Variants in SLC16A14 observed in about 807,000 individuals in gnomAD.
SLC16A14 encodes the protein monocarboxylate transporter 14.
SLC16A14 carries 14 observed loss-of-function variants against 35.8 expected under a neutral mutation model. The ratio of observed to expected loss-of-function variants is 0.39; its 90% confidence interval spans 0.26 to 0.61. The LOEUF (loss-of-function observed/expected upper bound fraction) is 0.61. Ranked by LOEUF, SLC16A14 falls within the 20% of genes least tolerant of loss-of-function variation. The pLI, the probability that SLC16A14 is intolerant of heterozygous loss-of-function variation, is 0.51. For synonymous variants in SLC16A14, 248 were observed against 258.9 expected, an observed-to-expected ratio of 0.96 and a Z score of 0.40; for missense variants, 533 against 655.0, an observed-to-expected ratio of 0.81 and a Z score of 2.03.
intron 4 of SLC16A14, among the ~76,000 whole-genome samples, chr2:230,040,438 G>T (rs2077552127): frequency 6.6e-6 from 1 of 152,008 alleles, no homozygotes; most frequent in Non-Finnish European, 1.5e-5. Context: ...GGCAAGGCTG[G>T]TCTCAAACTC....
In SLC16A14 at chr2:230,035,731, A is replaced by G. The variant is rs1380769309; in HGVS notation, c.*1649T>C. On this transcript the variant is annotated 3_prime_UTR_variant, in exon 5 of 5. Transcript: ENST00000295190. ...TCATTGGAGGTAATATTAAGTATAT[A>G]TATTAACCATGCTTTTGTCTCTCCT... 6.6e-6 allele frequency: 1 copy of G among 152,204 alleles called. No individual in the cohort carries two copies. Among genetic ancestry groups the G allele is most frequent in the Non-Finnish European group, 1.5e-5 (1 of 68,032 alleles). 9.4% of individuals were successfully genotyped at this position (152,204 alleles called of 1,614,324 possible).
chr2:230,054,089 G>GT (rs1553820353), intron 2 of SLC16A14, among the ~76,000 whole-genome samples: 1 of 151,414 alleles, frequency 6.6e-6, no homozygotes, highest in Non-Finnish European at 1.5e-5. Flanking sequence ...CCTGAGGTGG[G>GT]GGGGGAAGTT....
intron 2 of SLC16A14, 35 bp from the exon 3 acceptor site, chr2:230,049,939 G>A (rs780181315): frequency 6.3e-7 from 1 of 1,599,916 alleles, no homozygotes; most frequent in African/African-American, 1.3e-5. Context: ...ATTGACTAAA[G>A]GTGCTTCCGT....
intron 2 of SLC16A14, among the ~76,000 whole-genome samples, chr2:230,050,984 C>G (rs1219289020): frequency 6.6e-6 from 1 of 152,194 alleles, no homozygotes; most frequent in Non-Finnish European, 1.5e-5. Context: ...GTTGTCATCA[C>G]TTCATACAGA....
At chr2:230,052,312 T>TA (rs1232394250) in intron 2 of SLC16A14, among the ~76,000 whole-genome samples, 1 of 152,206 alleles carries the variant, frequency 6.6e-6, no homozygotes. Context: ...AATGCACTGA[T>TA]AAAAAATCTG....
At chr2:230,054,416 A>G (rs988601962) in intron 2 of SLC16A14, among the ~76,000 whole-genome samples, 3 of 152,292 alleles carry the variant, frequency 2.0e-5, no homozygotes, top group African/African-American at 4.8e-5. Flanking sequence ...TAGCTACTCT[A>G]TGTTCACCTT....
chr2:230,037,300 CCT>C lies in SLC16A14; in HGVS notation c.*78_*79del, dbSNP rs1263389384. On this transcript the variant is annotated 3_prime_UTR_variant, in exon 5 of 5. Coordinates refer to ENST00000295190, the MANE Select transcript of SLC16A14 (RefSeq NM_152527.5). ...TACCGTACAAAATGCTTTCCCACGT[CCT>C]GTCATAGGTGCCTCACAGCAACCAT... 1.5e-6 allele frequency: 2 copies of C among 1,367,148 alleles called. No homozygotes were observed. The highest frequency in any genetic ancestry group is 2.0e-6 in the Non-Finnish European group (2 of 1,020,380). The allele number at this position is 1,367,148 out of a possible 1,614,324, so 84.7% of individuals were successfully genotyped here. A position where few individuals can be genotyped will look rare whatever the true frequency, so the allele number is the denominator to read the frequency against.
chr2:230,064,312 G>GTGTGTGTGTGTGTGTT (rs1553822132), intron 1 of SLC16A14, among the ~76,000 whole-genome samples: 17 of 144,390 alleles, frequency 1.2e-4, no homozygotes, highest in African/African-American at 4.1e-4. Context: ...GTGTGTGTGT[G>GTGTGTGTGTGTGTGTT]TATGTGTGTG....
intron 4 of SLC16A14, among the ~76,000 whole-genome samples, chr2:230,041,452 A>G (rs993476857): frequency 1.3e-5 from 2 of 152,124 alleles, no homozygotes; most frequent in South Asian, 2.1e-4. Flanking sequence ...GGTTCAAGCA[A>G]TTCTACTGCC....
Position 230,046,489 on chromosome 2 carries a change from A to T in SLC16A14, c.637T>A (p.Ser213Thr). The T allele has an allele frequency of 1.2e-6, 2 of 1,614,162 alleles. No homozygotes were observed. Among genetic ancestry groups the T allele is most frequent in the Non-Finnish European group, 1.7e-6 (2 of 1,180,020 alleles). Residue 213 changes from serine (S) to threonine (T), a missense_variant, in exon 4 of 5, where the codon TCT (serine) becomes ACT (threonine). By Grantham distance (58) the Ser-to-Thr change is moderately conservative. Coordinates refer to ENST00000295190, the MANE Select transcript of SLC16A14 (RefSeq NM_152527.5). This position sits in a 1 kb window ranked among gnomAD's most constrained non-coding sequence, Gnocchi z 5.0. ...CVCGALMRPL[S>T]PGKNPNDPGE... ...GGGTCGTTTGGGTTTTTACCAGGAG[A>T]GAGGGGCCTCATGAGCGCCCCACAA... is the stretch of plus-strand genomic sequence containing the variant.
At chr2:230,058,968 A>G in intron 2 of SLC16A14, 126 bp downstream of exon 2, 1 of 1,465,590 alleles carries the variant, frequency 6.8e-7, no homozygotes, top group South Asian at 1.5e-5. Flanking sequence ...ATATTTTATC[A>G]CAATTGAAAA....
At chr2:230,056,199 A>T (rs1300786360) in intron 2 of SLC16A14, among the ~76,000 whole-genome samples, 1 of 151,920 alleles carries the variant, frequency 6.6e-6, no homozygotes, top group African/African-American at 2.4e-5. Flanking sequence ...TTGAGAAATA[A>T]CACTTTGTCC....
intron 1 of SLC16A14, among the ~76,000 whole-genome samples, chr2:230,064,424 C>T (rs1431637964): frequency 5.9e-5 from 9 of 152,064 alleles, no homozygotes; most frequent in Non-Finnish European, 1.0e-4. Context: ...AAGCTTACAG[C>T]GCAGTGCAGA....
intron 2 of SLC16A14, among the ~76,000 whole-genome samples, chr2:230,052,284 G>T (rs889869499): frequency 6.6e-6 from 1 of 152,116 alleles, no homozygotes; most frequent in Non-Finnish European, 1.5e-5. Context: ...GCACATTATA[G>T]AAATAATATA....
intron 4 of SLC16A14, among the ~76,000 whole-genome samples, chr2:230,042,994 T>C (rs1421780519): frequency 6.6e-6 from 1 of 152,236 alleles, no homozygotes; most frequent in Non-Finnish European, 1.5e-5. Flanking sequence ...CTGAACTCTA[T>C]ATTTCTGGTT....
intron 1 of SLC16A14, among the ~76,000 whole-genome samples, chr2:230,064,500 C>T (rs1367371578): frequency 6.6e-6 from 1 of 152,156 alleles, no homozygotes. Context: ...TGGTGAGTGT[C>T]TTCCCTCTGC....
Position 230,063,933 on chromosome 2 carries a change from C to A in SLC16A14, c.-14-4567G>T, listed in dbSNP as rs547715992. 2.6e-5 allele frequency among the ~76,000 whole-genome samples: 4 copies of A among 151,900 alleles called. No homozygotes were observed. The South Asian group carries it at 8.3e-4, about 32-fold the overall frequency. On this transcript the variant is annotated intron_variant, in intron 1 of 4. Transcript: ENST00000295190. ...CTGGACAACAGTGAGACCTCATCTC[C>A]GTAAATAAAAATTAGCCAGGCACAT...
intron 4 of SLC16A14, among the ~76,000 whole-genome samples, chr2:230,044,831 G>A (rs1317638800): frequency 6.6e-6 from 1 of 150,946 alleles, no homozygotes; most frequent in Admixed American, 6.6e-5. Flanking sequence ...CTCCTGCCTC[G>A]GCCTCCCAAA....
intron 1 of SLC16A14, among the ~76,000 whole-genome samples, chr2:230,060,571 AAGCTGGTC>A (rs2077744181): frequency 6.6e-6 from 1 of 152,086 alleles, no homozygotes; most frequent in Non-Finnish European, 1.5e-5. Flanking sequence ...TATGTTGCCC[AAGCTGGTC>A]TTGAACTCCT....
Sources: gnomAD v4.1 joint callset for allele counts (sites outside exome capture counted in the v4.1 genomes callset) on GRCh38, gnomAD v4.1.1 for gene constraint, Gnocchi (gnomAD v3.1) non-coding constraint, MANE v1.5 for transcripts, NCBI Gene and HGNC (gene_info 2026-07-23, HGNC 2026-07-21) for gene names.